BTRC: variants seen among roughly 807,000 people sequenced by gnomAD.
BTRC encodes the protein F-box/WD repeat-containing protein 1A.
In BTRC, 42 loss-of-function variants were observed where a neutral mutation model predicts 85.5. The observed-to-expected ratio is 0.49, with a 90% CI of 0.38 to 0.64. The LOEUF is 0.64. BTRC is among the 30% of genes least tolerant of loss of function. The probability of loss-of-function intolerance (pLI) is 0.00; values close to 1 mark genes in which losing one functional copy is unlikely to be tolerated. For missense variants in BTRC, 594 were observed against 743.5 expected, an observed-to-expected ratio of 0.80 and a Z score of 2.34; for synonymous variants, 255 against 263.3, an observed-to-expected ratio of 0.97 and a Z score of 0.30.
At chr10:101,452,489 G>T (rs1022674413) in intron 2 of BTRC, among the ~76,000 whole-genome samples, 1 of 152,186 alleles carries the variant, frequency 6.6e-6, no homozygotes, top group Non-Finnish European at 1.5e-5. Context: ...ATAAAAAATA[G>T]TTGTTCTTTG....
At chr10:101,396,556 A>G (rs988915749) in intron 1 of BTRC, among the ~76,000 whole-genome samples, 17 of 151,994 alleles carry the variant, frequency 1.1e-4, no homozygotes, top group African/African-American at 3.9e-4. Flanking sequence ...ATGTTGGATT[A>G]CGACAGCAAA....
At chr10:101,476,598 ACAGGCCTGTG>A (rs1945693897) in intron 3 of BTRC, among the ~76,000 whole-genome samples, 1 of 151,434 alleles carries the variant, frequency 6.6e-6, no homozygotes, top group Non-Finnish European at 1.5e-5. Flanking sequence ...AGCCAGGACT[ACAGGCCTGTG>A]CTGCCACGCC....
chr10:101,396,773 G>A (rs1943374754), intron 1 of BTRC, among the ~76,000 whole-genome samples: 1 of 151,320 alleles, frequency 6.6e-6, no homozygotes, highest in South Asian at 2.1e-4. Context: ...CATGATGAAA[G>A]TCCCTATCAA....
At chr10:101,375,755 G>A (rs985255794) in intron 1 of BTRC, among the ~76,000 whole-genome samples, 1 of 152,204 alleles carries the variant, frequency 6.6e-6, no homozygotes, top group Non-Finnish European at 1.5e-5. Context: ...TATTTGGAAT[G>A]CATGTTAAAA....
intron 1 of BTRC, among the ~76,000 whole-genome samples, chr10:101,379,707 T>C (rs1942881708): frequency 6.6e-6 from 1 of 152,176 alleles, no homozygotes; most frequent in East Asian, 1.9e-4. Flanking sequence ...ACAGTCTCTG[T>C]AACAATCATT....
intron 1 of BTRC, among the ~76,000 whole-genome samples, chr10:101,381,962 C>CTTTTTTTTTTTTTTT (rs71016314): frequency 6.1e-5 from 3 of 49,156 alleles, no homozygotes; most frequent in African/African-American, 2.2e-4. Context: ...CTAAGAATGT[C>CTTTTTTTTTTTTTTT]TTTTTTTTTT....
intron 1 of BTRC, among the ~76,000 whole-genome samples, chr10:101,366,766 T>TTA (rs375980263): frequency 0.14 from 7,080 of 51,052 alleles, 664 homozygotes; most frequent in East Asian, 0.38. Context: ...CTTAATCTAG[T>TTA]TATATATATA....
intron 1 of BTRC, among the ~76,000 whole-genome samples, chr10:101,369,275 A>G (rs185134473): frequency 6.0e-5 from 9 of 151,106 alleles, no homozygotes; most frequent in Admixed American, 5.3e-4. Flanking sequence ...TCTCGAGTAC[A>G]CTGGTGTGAT....
At chr10:101,377,638 T>G (rs1942824849) in intron 1 of BTRC, among the ~76,000 whole-genome samples, 1 of 152,234 alleles carries the variant, frequency 6.6e-6, no homozygotes, top group African/African-American at 2.4e-5. Flanking sequence ...TCCTCGATTC[T>G]TGATGCTTTT....
intron 1 of BTRC, among the ~76,000 whole-genome samples, chr10:101,386,615 ACTT>A (rs930300069): frequency 2.4e-4 from 37 of 152,298 alleles, no homozygotes; most frequent in South Asian, 1.0e-3. Flanking sequence ...ATTGTGGAAT[ACTT>A]CTTCTTTTTA....
chr10:101,394,834 G>A lies in BTRC; in HGVS notation c.49-35511G>A, dbSNP rs1220405992. 6.6e-5 allele frequency among the ~76,000 whole-genome samples: 10 copies of A among 152,128 alleles called. 1 individual carries two copies. The East Asian group carries it at 1.9e-3, about 29-fold the overall frequency. On this transcript the variant is annotated intron_variant, in intron 1 of 14. Coordinates refer to ENST00000370187, the MANE Select transcript of BTRC (RefSeq NM_033637.4). The stretch of plus-strand genomic sequence containing the variant: ...AGTTCCAGCAGGTGTAGCAGCAAAA[G>A]CACAGATTTCTTACACATACATGTA...
rs1250679806 is a variant in BTRC, at chr10:101,366,975, T to TA, written c.48+12747_48+12748insA. ...ATATATATATTTATATAAATATATA[T>TA]TTATATATTTATATATATTAATATA... On this transcript the variant is annotated intron_variant, in intron 1 of 14. Coordinates refer to ENST00000370187, the MANE Select transcript of BTRC (RefSeq NM_033637.4). Among the ~76,000 whole-genome samples, 164 of 62,618 alleles carry TA rather than the reference T, an allele frequency of 2.6e-3. 8 individuals are homozygous for TA. Among genetic ancestry groups the TA allele is most frequent in the South Asian group, 0.016 (42 of 2,588 alleles). The allele number at this position is 62,618 out of a possible 152,430, so 41.1% of individuals were successfully genotyped here. A position where few individuals can be genotyped will look rare whatever the true frequency, so the allele number is the denominator to read the frequency against.
At chr10:101,506,937 A>G in intron 4 of BTRC, among the ~76,000 whole-genome samples, 1 of 152,208 alleles carries the variant, frequency 6.6e-6, no homozygotes, top group Admixed American at 6.5e-5. Flanking sequence ...TTGAGTGAGC[A>G]AAATTCTCTT....
chr10:101,541,286 G>A lies in BTRC; in HGVS notation c.1656+2915G>A, dbSNP rs926428919. ...TTCTCTTTTTTTTTTTTGAGACGGA[G>A]TCTCGCTCTTTCACCCAGGCTGGAG... On this transcript the variant is annotated intron_variant, in intron 13 of 14. Transcript: ENST00000370187. Among the ~76,000 whole-genome samples the A allele has an allele frequency of 2.3e-4, 35 of 151,386 alleles. 1 individual carries two copies. The highest frequency in any genetic ancestry group is 8.8e-5 in the Non-Finnish European group (6 of 67,882).
In BTRC at chr10:101,462,915, T is replaced by C. The variant is rs535251196; in HGVS notation, c.234+857T>C. 2.6e-5 allele frequency among the ~76,000 whole-genome samples: 4 copies of C among 152,098 alleles called. No homozygotes were observed. In the South Asian group the frequency reaches 8.3e-4, roughly 32 times the overall value. ...CAAAGCCTCACTCTGTCGCCCAGGC[T>C]GGAGTGCAGTGGCGTGATCTCGGCT... On this transcript the variant is annotated intron_variant, in intron 3 of 14. Coordinates refer to ENST00000370187, the MANE Select transcript of BTRC (RefSeq NM_033637.4).
At chr10:101,414,371 T>C (rs1008934938) in intron 1 of BTRC, among the ~76,000 whole-genome samples, 4 of 152,170 alleles carry the variant, frequency 2.6e-5, no homozygotes, top group Non-Finnish European at 5.9e-5. Context: ...TTCAGGTGTT[T>C]GTGTTGATAC....
At chr10:101,443,417 A>T (rs1055916205) in intron 2 of BTRC, among the ~76,000 whole-genome samples, 2 of 152,232 alleles carry the variant, frequency 1.3e-5, no homozygotes, top group African/African-American at 2.4e-5. Context: ...AACTCTAGGC[A>T]TTCTAACTTG....
chr10:101,366,766 T>TTATATATA (rs375980263), intron 1 of BTRC, among the ~76,000 whole-genome samples: 93 of 50,922 alleles, frequency 1.8e-3, no homozygotes, highest in East Asian at 0.01. Context: ...CTTAATCTAG[T>TTATATATA]TATATATATA....
chr10:101,551,073 G>A, intron 14 of BTRC, 182 bp downstream of exon 14: 1 of 501,526 alleles, frequency 2.0e-6, no homozygotes, highest in East Asian at 3.1e-5. Context: ...TTTCACCAAG[G>A]TAGCCAGCCT....
Sources: allele counts gnomAD v4.1 joint callset (sites outside exome capture counted in the v4.1 genomes callset), GRCh38; gene constraint gnomAD v4.1.1; transcripts MANE v1.5; gene names NCBI Gene and HGNC (gene_info 2026-07-23, HGNC 2026-07-21).